ANO2: variants seen among roughly 807,000 people sequenced by gnomAD.
The protein encoded by ANO2 is anoctamin-2.
ANO2 carries 101 observed loss-of-function variants against 124.2 expected under a neutral mutation model. The observed-to-expected ratio is 0.81, with a 90% CI of 0.69 to 0.96. ANO2 has a LOEUF of 0.96. Among genes scored for constraint, ANO2 ranks in the 40% least tolerant of loss-of-function variants. The pLI is 0.00. For synonymous variants in ANO2, 486 were observed against 482.5 expected, an observed-to-expected ratio of 1.01 and a Z score of -0.09; for missense variants, 1,293 against 1,274.5, an observed-to-expected ratio of 1.01 and a Z score of -0.22.
At chr12:5,680,052 C>T (rs987714803) in intron 14 of ANO2, among the ~76,000 whole-genome samples, 5 of 152,174 alleles carry the variant, frequency 3.3e-5, no homozygotes, top group African/African-American at 1.2e-4. Context: ...AACCAAACAC[C>T]GCATGTTCTC....
At chr12:5,646,462 T>A (rs1056667309) in intron 15 of ANO2, among the ~76,000 whole-genome samples, 2 of 152,214 alleles carry the variant, frequency 1.3e-5, no homozygotes, top group Non-Finnish European at 2.9e-5. Flanking sequence ...ATTTACTCAT[T>A]TATTGTCTGC....
intron 10 of ANO2, among the ~76,000 whole-genome samples, chr12:5,789,797 C>T (rs1042616341): frequency 6.6e-6 from 1 of 152,184 alleles, no homozygotes; most frequent in African/African-American, 2.4e-5. Context: ...CTGGGCATGC[C>T]GGGCTAATTA....
chr12:5,645,650 T>G (rs1003537592), intron 15 of ANO2, among the ~76,000 whole-genome samples: 17 of 152,226 alleles, frequency 1.1e-4, no homozygotes, highest in African/African-American at 3.6e-4. Flanking sequence ...ACTGATATTT[T>G]CAATATCTCT....
chr12:5,773,926 T>C (rs981266776), intron 10 of ANO2, among the ~76,000 whole-genome samples: 6 of 152,136 alleles, frequency 3.9e-5, no homozygotes, highest in Non-Finnish European at 7.3e-5. Flanking sequence ...CCTTATCTCA[T>C]TGAGTTGCTG....
Position 5,563,570 on chromosome 12 carries a change from T to C in ANO2, c.2728-2A>G. 6.2e-7 allele frequency: 1 copy of C among 1,613,636 alleles called. No individual in the cohort carries two copies. The highest frequency in any genetic ancestry group is 8.5e-7 in the Non-Finnish European group (1 of 1,179,690). ...GACGCTCAGGAACATCACGAGGTTC[T>C]GCAAAAAGCCAAGGAGAGAGGGGCT... On this transcript the variant is annotated splice_acceptor_variant, in intron 24 of 24. Coordinates refer to ENST00000682330, the MANE Select transcript of ANO2 (RefSeq NM_001364791.2). LOFTEE classifies it high-confidence loss of function.
intron 7 of ANO2, among the ~76,000 whole-genome samples, chr12:5,815,004 T>C (rs1328367634): frequency 6.6e-6 from 1 of 152,190 alleles, no homozygotes; most frequent in Middle Eastern, 3.2e-3. Flanking sequence ...TTGAAAAACA[T>C]ACAACTGCAA....
chr12:5,640,264 G>T (rs929504507), intron 15 of ANO2, among the ~76,000 whole-genome samples: 1 of 152,146 alleles, frequency 6.6e-6, no homozygotes, highest in African/African-American at 2.4e-5. Context: ...TTCAAGCACA[G>T]GGGTGAAGAA....
chr12:5,910,705 A>T (rs908404123), intron 3 of ANO2, among the ~76,000 whole-genome samples: 3 of 152,152 alleles, frequency 2.0e-5, no homozygotes, highest in African/African-American at 7.2e-5. Flanking sequence ...GAGTCATCAG[A>T]TATAAGCACC....
At chr12:5,752,815 T>C (rs1048629681) in intron 10 of ANO2, among the ~76,000 whole-genome samples, 1 of 152,178 alleles carries the variant, frequency 6.6e-6, no homozygotes, top group Non-Finnish European at 1.5e-5. Flanking sequence ...TTTTTTCCCC[T>C]GTTTTCTTTT....
chr12:5,894,705 A>G (rs182421966), intron 3 of ANO2, among the ~76,000 whole-genome samples: 7 of 152,230 alleles, frequency 4.6e-5, no homozygotes, highest in Non-Finnish European at 8.8e-5. Flanking sequence ...AGTTTTCTGC[A>G]TATGGCTAGC....
intron 15 of ANO2, among the ~76,000 whole-genome samples, chr12:5,640,433 G>A: frequency 6.6e-6 from 1 of 152,102 alleles, no homozygotes; most frequent in Non-Finnish European, 1.5e-5. Flanking sequence ...ACATCAGAGT[G>A]AACAGGCAAC....
intron 20 of ANO2, 99 bp downstream of exon 20, chr12:5,599,385 T>C: frequency 2.2e-6 from 3 of 1,379,788 alleles, no homozygotes; most frequent in Non-Finnish European, 2.9e-6. Flanking sequence ...GCAGAGGCTG[T>C]CCCAGTCATT....
chr12:5,777,429 T>C (rs531512584), intron 10 of ANO2, among the ~76,000 whole-genome samples: 3 of 151,812 alleles, frequency 2.0e-5, no homozygotes, highest in African/African-American at 7.2e-5. Flanking sequence ...GAAAGAAGAG[T>C]AGTGTCCCCA....
rs549138341 is a variant in ANO2 at position 5,822,800 on chromosome 12, T to C, written c.892+4969A>G. 9.8e-5 allele frequency among the ~76,000 whole-genome samples: 15 copies of C among 152,328 alleles called. No individual in the cohort carries two copies. In the South Asian group the frequency reaches 2.1e-3, roughly 21 times the overall value. ...TCCATTTTCACACTGCTGATAAAGATATACCTCAGACTGGGAAGAAAAAGA... is the reference window on the plus strand; with the variant it reads ...TCCATTTTCACACTGCTGATAAAGACATACCTCAGACTGGGAAGAAAAAGA... On this transcript the variant is annotated intron_variant, in intron 7 of 24. Transcript: ENST00000682330.
chr12:5,652,128 A>G (rs1174278883), intron 14 of ANO2, among the ~76,000 whole-genome samples: 1 of 152,256 alleles, frequency 6.6e-6, no homozygotes, highest in East Asian at 1.9e-4. Flanking sequence ...AAATGGAATT[A>G]CCAAGTCATA....
chr12:5,801,769 T>C (rs117660554), intron 9 of ANO2, among the ~76,000 whole-genome samples: 4 of 152,320 alleles, frequency 2.6e-5, no homozygotes, highest in African/African-American at 4.8e-5. Context: ...AACATCTGAA[T>C]TCATGAGCAC....
chr12:5,597,304 G>T (rs1259516246), intron 20 of ANO2, among the ~76,000 whole-genome samples: 1 of 152,060 alleles, frequency 6.6e-6, no homozygotes, highest in Non-Finnish European at 1.5e-5. Flanking sequence ...GTGTGTCCAT[G>T]TGTTCTCATG....
chr12:5,764,975 G>T (rs1392771680), intron 10 of ANO2, among the ~76,000 whole-genome samples: 1 of 152,152 alleles, frequency 6.6e-6, no homozygotes, highest in African/African-American at 2.4e-5. Flanking sequence ...ATAGGATATT[G>T]TGAGAGACTC....
chr12:5,843,595 CA>C (rs1954592266), intron 4 of ANO2, among the ~76,000 whole-genome samples: 1 of 152,110 alleles, frequency 6.6e-6, no homozygotes, highest in Middle Eastern at 3.4e-3. Context: ...ACAACAAACT[CA>C]GAGAATTTCT....
Sources: gnomAD v4.1 joint callset for allele counts (sites outside exome capture counted in the v4.1 genomes callset) on GRCh38, gnomAD v4.1.1 for gene constraint, MANE v1.5 for transcripts, NCBI Gene and HGNC (gene_info 2026-07-23, HGNC 2026-07-21) for gene names.